Variants in TFDP2 observed in about 807,000 individuals in gnomAD.
The protein encoded by TFDP2 is transcription factor Dp-2 (E2F dimerization partner 2).
Under a neutral mutation model 59.3 loss-of-function variants are expected in TFDP2, and 17 were observed. The ratio of observed to expected loss-of-function variants is 0.29; its 90% CI spans 0.20 to 0.43. The LOEUF (loss-of-function observed/expected upper bound fraction) is 0.43. TFDP2 is among the 20% of genes least tolerant of loss of function. The pLI is 1.00. For synonymous variants in TFDP2, 180 were observed against 194.7 expected (o/e 0.92, Z 0.63); for missense variants, 391 against 528.8 (o/e 0.74, Z 2.56).
At chr3:142,041,815 C>G (rs1221351177) in intron 3 of TFDP2, among the ~76,000 whole-genome samples, 2 of 152,000 alleles carry the variant, frequency 1.3e-5, no homozygotes, top group Non-Finnish European at 2.9e-5. Flanking sequence ...GTCTATGATC[C>G]CTTTTGAGTT....
At chr3:142,076,924 A>G (rs1265917875) in intron 3 of TFDP2, among the ~76,000 whole-genome samples, 1 of 152,190 alleles carries the variant, frequency 6.6e-6, no homozygotes, top group Admixed American at 6.5e-5. Flanking sequence ...TTAACTTCAT[A>G]TTGCTGAAAG....
chr3:142,061,838 T>A (rs2059919131), intron 3 of TFDP2, among the ~76,000 whole-genome samples: 1 of 150,696 alleles, frequency 6.6e-6, no homozygotes, highest in Admixed American at 6.6e-5. Flanking sequence ...TTGACCTACA[T>A]AACTGTATGA....
rs1298787494 is a variant in TFDP2 at position 142,111,804 on chromosome 3, G to A, written c.-92-9963C>T. 3.3e-5 allele frequency among the ~76,000 whole-genome samples: 5 copies of A among 152,248 alleles called. No homozygotes were observed. In the South Asian group the frequency reaches 6.2e-4, roughly 19 times the overall value. ...GATTTGGCCGGGTGTGGTGGCTCAC[G>A]CCTGTAATCCCAGCACTTTGGGGGG... On this transcript the variant is annotated intron_variant, in intron 1 of 12. Transcript: ENST00000489671.
At chr3:141,969,988 G>A in intron 9 of TFDP2, 85 bp downstream of exon 9, 1 of 1,321,022 alleles carries the variant, frequency 7.6e-7, no homozygotes, top group Non-Finnish European at 1.1e-6. Context: ...CCACTCAGAG[G>A]CACCACAATT....
intron 3 of TFDP2, among the ~76,000 whole-genome samples, chr3:142,065,522 G>GTGTGTC (rs2060047963): frequency 6.6e-6 from 1 of 151,734 alleles, no homozygotes; most frequent in Non-Finnish European, 1.5e-5. Flanking sequence ...GTGTGTGTGT[G>GTGTGTC]TGTGTTTGAG....
chr3:141,958,637 T>C (rs1308918646), intron 11 of TFDP2, among the ~76,000 whole-genome samples: 2 of 152,162 alleles, frequency 1.3e-5, no homozygotes, highest in African/African-American at 2.4e-5. Flanking sequence ...GGGTCTACTG[T>C]ACTGTGACCC....
At chr3:141,998,122 C>A (rs965341560) in intron 4 of TFDP2, among the ~76,000 whole-genome samples, 5 of 151,918 alleles carry the variant, frequency 3.3e-5, no homozygotes, top group Admixed American at 3.3e-4. Flanking sequence ...AGAGAGATGA[C>A]GCACCTGAAT....
intron 3 of TFDP2, among the ~76,000 whole-genome samples, chr3:142,058,481 T>TAGCCACAGATGAC (rs1214208829): frequency 1.3e-5 from 2 of 152,140 alleles, no homozygotes; most frequent in East Asian, 3.9e-4. Flanking sequence ...CCACAGCTGC[T>TAGCCACAGATGAC]AGCCACAGAT....
At chr3:141,964,416 C>T (rs1937636574) in intron 9 of TFDP2, among the ~76,000 whole-genome samples, 1 of 152,184 alleles carries the variant, frequency 6.6e-6, no homozygotes. Context: ...CTTTGGGAGG[C>T]CAAAGCAGGT....
chr3:142,030,783 C>A lies in TFDP2; in HGVS notation c.83-25239G>T, dbSNP rs1305396526. Among the ~76,000 whole-genome samples, 3 of 144,358 alleles carry A rather than the reference C, an allele frequency of 2.1e-5. No individual in the cohort carries two copies. The East Asian group carries it at 6.0e-4, about 29-fold the overall frequency. 94.7% of individuals were successfully genotyped at this position (144,358 alleles called of 152,430 possible). ...TTTGAGACGGAGTCTCGCTCTGTCG[C>A]CCAGGCTGGAGTGCAGTGGCGCGAT... On this transcript the variant is annotated intron_variant, in intron 3 of 12. Transcript: ENST00000489671.
intron 1 of TFDP2, among the ~76,000 whole-genome samples, chr3:142,117,014 C>G (rs903739134): frequency 6.6e-6 from 1 of 152,042 alleles, no homozygotes; most frequent in Non-Finnish European, 1.5e-5. Context: ...CTTAGCCTCA[C>G]AAGCTCAAGC....
At chr3:142,079,888 T>A (rs2060577425) in intron 3 of TFDP2, among the ~76,000 whole-genome samples, 1 of 152,178 alleles carries the variant, frequency 6.6e-6, no homozygotes, top group Admixed American at 6.5e-5. Context: ...TACAAGAAAT[T>A]CTAAAGAAAT....
intron 3 of TFDP2, among the ~76,000 whole-genome samples, chr3:142,082,878 T>G (rs2060687411): frequency 6.6e-6 from 1 of 152,076 alleles, no homozygotes; most frequent in South Asian, 2.1e-4. Context: ...CTCAACATAA[T>G]AAAAGGCATA....
intron 3 of TFDP2, among the ~76,000 whole-genome samples, chr3:142,073,019 A>G (rs1283453487): frequency 6.6e-6 from 1 of 152,210 alleles, no homozygotes; most frequent in African/African-American, 2.4e-5. Context: ...AAACCTGACA[A>G]AAGCGACATC....
At chr3:142,044,021 G>A (rs1947181994) in intron 3 of TFDP2, 1 of 677,354 alleles carries the variant, frequency 1.5e-6, no homozygotes, top group Non-Finnish European at 2.7e-6. Flanking sequence ...ATCAAGCCCA[G>A]GAATGGACTG....
intron 2 of TFDP2, among the ~76,000 whole-genome samples, chr3:142,098,034 G>A (rs1012228643): frequency 2.0e-5 from 3 of 151,992 alleles, no homozygotes; most frequent in Admixed American, 2.0e-4. Context: ...CTCAAGTATC[G>A]CCTGCCTTGG....
chr3:142,026,704 T>A (rs1209418739), intron 3 of TFDP2, among the ~76,000 whole-genome samples: 1 of 152,208 alleles, frequency 6.6e-6, no homozygotes, highest in Non-Finnish European at 1.5e-5. Context: ...GTGTTACTTG[T>A]AAAAGGAAAG....
chr3:141,970,856 G>A (rs1482249245), intron 8 of TFDP2, among the ~76,000 whole-genome samples: 2 of 151,920 alleles, frequency 1.3e-5, no homozygotes, highest in Non-Finnish European at 2.9e-5. Context: ...GAGATCAGGA[G>A]TTTGAGACCA....
chr3:142,080,593 C>G (rs1186905049), intron 3 of TFDP2, among the ~76,000 whole-genome samples: 1 of 152,018 alleles, frequency 6.6e-6, no homozygotes, highest in Non-Finnish European at 1.5e-5. Context: ...GACTTGTTGC[C>G]CACAAGAAAC....
Sources: gnomAD v4.1 joint callset for allele counts (sites outside exome capture counted in the v4.1 genomes callset) on GRCh38, gnomAD v4.1.1 for gene constraint, MANE v1.5 for transcripts, NCBI Gene and HGNC (gene_info 2026-07-23, HGNC 2026-07-21) for gene names.